The following DNAH14 variants were observed in gnomAD, a reference collection of about 807,000 sequenced individuals.
The protein encoded by DNAH14 is dynein axonemal heavy chain 14.
Under a neutral mutation model 520.9 loss-of-function variants are expected in DNAH14, and 478 were observed. That is an observed-to-expected ratio of 0.92 (90% CI 0.85 to 0.99). DNAH14 has a LOEUF of 0.99. Ranked by LOEUF, DNAH14 falls within the 50% of genes least tolerant of loss-of-function variation. DNAH14 has a pLI of 0.00. For missense variants in DNAH14, 4,831 were observed against 5,234.5 expected (o/e 0.92, Z 2.38); for synonymous variants, 1,581 against 1,757.2 (o/e 0.90, Z 2.51).
chr1:224,970,241 C>T (rs1367445113), intron 7 of DNAH14, among the ~76,000 whole-genome samples: 10 of 152,086 alleles, frequency 6.6e-5, no homozygotes, highest in African/African-American at 1.2e-4. Context: ...AGTCCCGTAA[C>T]GCTCCCAGGC....
Position 225,232,184 on chromosome 1 carries a change from A to C in DNAH14, c.6518+1033A>C, listed in dbSNP as rs1332496304. On this transcript the variant is annotated intron_variant, in intron 42 of 85. Coordinates refer to ENST00000682510, the MANE Select transcript of DNAH14 (RefSeq NM_001367479.1). This position sits in a 1 kb window ranked among gnomAD's most constrained non-coding sequence, Gnocchi z 4.2. Reference sequence around the variant, plus strand: ...ACTTGCATCTTTTGTTCAACATTACATGTTTAGTTCATTGTGCATATAGCT... The same window carrying C: ...ACTTGCATCTTTTGTTCAACATTACCTGTTTAGTTCATTGTGCATATAGCT... 6.6e-6 allele frequency among the ~76,000 whole-genome samples: 1 copy of C among 152,034 alleles called. No individual in the cohort carries two copies. Among genetic ancestry groups the C allele is most frequent in the East Asian group, 1.9e-4 (1 of 5,188 alleles).
At chr1:225,015,534 C>G (rs1027286045) in intron 10 of DNAH14, among the ~76,000 whole-genome samples, 13 of 152,108 alleles carry the variant, frequency 8.5e-5, no homozygotes, top group African/African-American at 2.9e-4. Context: ...CTTTAAGACT[C>G]TCCTGAGTAT....
At chr1:225,270,052 G>T (rs2093266146) in intron 49 of DNAH14, among the ~76,000 whole-genome samples, 1 of 152,092 alleles carries the variant, frequency 6.6e-6, no homozygotes, top group African/African-American at 2.4e-5. Flanking sequence ...ATTCACAATA[G>T]CAAAGACTTG....
At chr1:225,000,470 T>C (rs1243898285) in intron 8 of DNAH14, among the ~76,000 whole-genome samples, 1 of 152,114 alleles carries the variant, frequency 6.6e-6, no homozygotes, top group African/African-American at 2.4e-5. Context: ...CAAGTATTTT[T>C]TTTTTTAGCC....
At chr1:225,014,430 T>A (rs1435765991) in intron 10 of DNAH14, among the ~76,000 whole-genome samples, 6 of 144,694 alleles carry the variant, frequency 4.1e-5, no homozygotes, top group African/African-American at 1.0e-4. Context: ...TTTTTTTTTT[T>A]AATGTAGGCA....
chr1:225,059,625 T>C (rs553684648), intron 17 of DNAH14, among the ~76,000 whole-genome samples: 6 of 152,278 alleles, frequency 3.9e-5, no homozygotes, highest in Admixed American at 2.0e-4. Context: ...CTAGCCTCGA[T>C]GGTCTTTACA....
chr1:225,198,888 CT>C (rs554738825), intron 38 of DNAH14, among the ~76,000 whole-genome samples: 1 of 152,206 alleles, frequency 6.6e-6, no homozygotes, highest in East Asian at 1.9e-4. Flanking sequence ...CTTTCTCTAT[CT>C]TGTGGAATAG....
intron 12 of DNAH14, among the ~76,000 whole-genome samples, chr1:225,040,312 A>C (rs2067360083): frequency 6.6e-6 from 1 of 152,246 alleles, no homozygotes; most frequent in Non-Finnish European, 1.5e-5. Context: ...AGTGAAAACA[A>C]ACATATACAA....
At chr1:225,221,928 G>A (rs2090081363) in intron 41 of DNAH14, among the ~76,000 whole-genome samples, 1 of 152,196 alleles carries the variant, frequency 6.6e-6, no homozygotes, top group African/African-American at 2.4e-5. Flanking sequence ...CCCACAAATT[G>A]TGTTTGCTCC....
chr1:225,056,723 G>T (rs554916141), intron 17 of DNAH14, among the ~76,000 whole-genome samples: 2 of 152,220 alleles, frequency 1.3e-5, no homozygotes, highest in Non-Finnish European at 2.9e-5. Context: ...TGTAAGGAAG[G>T]GATCCAGTTT....
chr1:224,961,530 T>C (rs764390806), intron 4 of DNAH14, among the ~76,000 whole-genome samples: 1 of 152,110 alleles, frequency 6.6e-6, no homozygotes, highest in Non-Finnish European at 1.5e-5. Context: ...AGGCACCTTC[T>C]TCACAGTATG....
chr1:225,212,265 A>G (rs1574023803), intron 41 of DNAH14, among the ~76,000 whole-genome samples: 1 of 151,972 alleles, frequency 6.6e-6, no homozygotes. Context: ...ATAGTATTCC[A>G]TAGTGTATAT....
intron 1 of DNAH14, among the ~76,000 whole-genome samples, chr1:224,950,109 A>G (rs1376556448): frequency 6.6e-6 from 1 of 152,066 alleles, no homozygotes; most frequent in Non-Finnish European, 1.5e-5. Flanking sequence ...TACTTGCACT[A>G]TTACTTCAAT....
At chr1:225,324,145 A>G (rs2094607875) in intron 62 of DNAH14, 77 bp from the exon 63 acceptor site, 3 of 1,492,110 alleles carry the variant, frequency 2.0e-6, no homozygotes, top group African/African-American at 1.4e-5. Context: ...TAAAATTTCA[A>G]TCTAGTGTAG....
chr1:224,994,480 A>C (rs574281136), intron 8 of DNAH14, among the ~76,000 whole-genome samples: 34 of 152,050 alleles, frequency 2.2e-4, no homozygotes, highest in Non-Finnish European at 4.1e-4. Context: ...TATCTGATAT[A>C]ACTATAACCA....
At chr1:225,229,957 C>A (rs1262340302) in intron 41 of DNAH14, among the ~76,000 whole-genome samples, 1 of 151,860 alleles carries the variant, frequency 6.6e-6, no homozygotes, top group Non-Finnish European at 1.5e-5. Context: ...TTGGTAGTAG[C>A]AGAAGGGGAA....
At chr1:225,322,298 A>G (rs991551732) in intron 61 of DNAH14, among the ~76,000 whole-genome samples, 8 of 151,846 alleles carry the variant, frequency 5.3e-5, no homozygotes, top group Non-Finnish European at 1.0e-4. Context: ...CATGTTGGCC[A>G]GGCTGGTCTC....
intron 60 of DNAH14, among the ~76,000 whole-genome samples, chr1:225,316,239 C>G (rs2094465707): frequency 6.6e-6 from 1 of 152,200 alleles, no homozygotes; most frequent in African/African-American, 2.4e-5. Flanking sequence ...CTTCAGACTG[C>G]TGTGCTGGCA....
rs113697778 is a variant in DNAH14, at chr1:225,291,032, C to T, written c.8469+950C>T. On this transcript the variant is annotated intron_variant, in intron 55 of 85. Transcript: ENST00000682510. ...TCCCTCCCTATCCTTCTCTCCCTTT[C>T]CCCTACCTTTCTCAGCCTCTAGTAT... 5.1e-3 allele frequency among the ~76,000 whole-genome samples: 779 copies of T among 152,124 alleles called. 5 individuals carry two copies. Among genetic ancestry groups the T allele is most frequent in the African/African-American group, 0.018 (743 of 41,518 alleles).
Sources: allele counts gnomAD v4.1 joint callset (sites outside exome capture counted in the v4.1 genomes callset), GRCh38; gene constraint gnomAD v4.1.1; non-coding constraint Gnocchi (gnomAD v3.1); transcripts MANE v1.5; gene names NCBI Gene and HGNC (gene_info 2026-07-23, HGNC 2026-07-21).